Variants in NEO1 observed in about 807,000 individuals in gnomAD.
The protein encoded by NEO1 is neogenin 1.
In NEO1, 63 loss-of-function variants were observed where a neutral mutation model predicts 159.7. The observed-to-expected ratio is 0.39, with a 90% CI of 0.32 to 0.49. NEO1 has a LOEUF of 0.49. Among genes scored for constraint, NEO1 ranks in the 20% least tolerant of loss-of-function variants. The pLI, the probability that NEO1 is intolerant of heterozygous loss-of-function variation, is 0.85. For synonymous variants in NEO1, 633 were observed against 662.0 expected (o/e 0.96, Z 0.67); for missense variants, 1,615 against 1,831.0 (o/e 0.88, Z 2.15).
chr15:73,122,484 A>G, intron 2 of NEO1, 41 bp from the exon 3 acceptor site: 1 of 1,572,650 alleles, frequency 6.4e-7, no homozygotes, highest in Middle Eastern at 1.8e-4. Context: ...TTAAAGTAAT[A>G]TTTAAATAAA....
chr15:73,305,003 G>C lies in NEO1; in HGVS notation c.*2307G>C, dbSNP rs2042735795. ...GTCCTGGTTGAGCTGCCGCTCAGCAGCTTCCTCGGGGGGATTTGGAACACC... is the reference window on the plus strand; with the variant it reads ...GTCCTGGTTGAGCTGCCGCTCAGCACCTTCCTCGGGGGGATTTGGAACACC... On this transcript the variant is annotated 3_prime_UTR_variant, in exon 29 of 29. Coordinates refer to ENST00000261908, the MANE Select transcript of NEO1 (RefSeq NM_002499.4). 6.6e-6 allele frequency: 1 copy of C among 152,280 alleles called. No homozygotes were observed. Among genetic ancestry groups the C allele is most frequent in the East Asian group, 1.9e-4 (1 of 5,178 alleles). The allele number at this position is 152,280 out of a possible 1,614,324, so 9.4% of individuals were successfully genotyped here.
At chr15:73,287,589 GA>G (rs1404896648) in intron 23 of NEO1, among the ~76,000 whole-genome samples, 1 of 152,136 alleles carries the variant, frequency 6.6e-6, no homozygotes, top group African/African-American at 2.4e-5. Flanking sequence ...GGCAGTCTTC[GA>G]AGTTGTTCCG....
chr15:73,134,200 A>G (rs2151735972), intron 4 of NEO1, among the ~76,000 whole-genome samples: 1 of 152,318 alleles, frequency 6.6e-6, no homozygotes, highest in East Asian at 1.9e-4. Flanking sequence ...TATCCCAGTC[A>G]TTCCTGCTCT....
In NEO1 at chr15:73,236,486, C is replaced by T. The variant is rs780331032; in HGVS notation, c.1431C>T (p.Tyr477=). Residue 477 remains tyrosine (Y), a synonymous_variant, in exon 8 of 29, where the codon TAC becomes TAT. Coordinates refer to ENST00000261908, the MANE Select transcript of NEO1 (RefSeq NM_002499.4). ...HGDNLTYSVF[Y]TKEGIARERV... The stretch of plus-strand genomic sequence containing the variant: ...ACAACCTTACCTACTCTGTGTTCTA[C>T]ACCAAGGAAGGGATTGCTAGGTAAG... 3 of 1,614,174 alleles carry T rather than the reference C, an allele frequency of 1.9e-6. No individual in the cohort carries two copies. The highest frequency in any genetic ancestry group is 1.7e-6 in the Non-Finnish European group (2 of 1,180,012).
At chr15:73,065,073 T>G (rs533387592) in intron 1 of NEO1, among the ~76,000 whole-genome samples, 20 of 152,218 alleles carry the variant, frequency 1.3e-4, no homozygotes, top group South Asian at 1.2e-3. Flanking sequence ...AACTTGTTAT[T>G]TGTATGATTT....
rs1478183894 is a variant in NEO1, at chr15:73,153,605, T to C, written c.1015+17578T>C. On this transcript the variant is annotated intron_variant, in intron 5 of 28. Transcript: ENST00000261908. ...AAGTTATATTGGCGAAAGTCGTTAT[T>C]GTCAGCCCCTTATTCTGGGATTGTA... Among the ~76,000 whole-genome samples the C allele has an allele frequency of 3.9e-5, 6 of 152,362 alleles. No individual in the cohort carries two copies. The East Asian group carries it at 5.8e-4, about 15-fold the overall frequency.
At chr15:73,084,365 A>G (rs6495050) in intron 1 of NEO1, among the ~76,000 whole-genome samples, 107,833 of 152,088 alleles carry the variant, frequency 0.71, 39,216 homozygotes, top group African/African-American at 0.88. Flanking sequence ...TGAATTCTAC[A>G]TTTTTAGATT....
At chr15:73,126,692 A>G in intron 4 of NEO1, 122 bp downstream of exon 4, 4 of 799,718 alleles carry the variant, frequency 5.0e-6, no homozygotes, top group Non-Finnish European at 7.5e-6. Flanking sequence ...CATAATGCTC[A>G]TATGTCATCC....
chr15:73,076,796 C>T (rs1370316829), intron 1 of NEO1, among the ~76,000 whole-genome samples: 1 of 152,180 alleles, frequency 6.6e-6, no homozygotes, highest in African/African-American at 2.4e-5. Context: ...CTTTTCTTAT[C>T]TCTACCTTTC....
chr15:73,062,171 C>A (rs2068010902), intron 1 of NEO1, among the ~76,000 whole-genome samples: 1 of 152,072 alleles, frequency 6.6e-6, no homozygotes, highest in South Asian at 2.1e-4. Context: ...TCCTTGCCAA[C>A]ATATTGGTTA....
chr15:73,272,218 A>C (rs2041207162), intron 18 of NEO1, among the ~76,000 whole-genome samples: 2 of 151,990 alleles, frequency 1.3e-5, no homozygotes, highest in Admixed American at 1.3e-4. Context: ...TTTATCCCTG[A>C]CTCCCAGCCA....
intron 5 of NEO1, among the ~76,000 whole-genome samples, chr15:73,163,177 G>A (rs552654705): frequency 2.0e-5 from 3 of 151,218 alleles, no homozygotes; most frequent in Admixed American, 6.6e-5. Flanking sequence ...TTTTTGATAC[G>A]TAAGAATGTG....
At chr15:73,221,035 T>C (rs1380749688) in intron 7 of NEO1, among the ~76,000 whole-genome samples, 2 of 152,118 alleles carry the variant, frequency 1.3e-5, no homozygotes, top group Non-Finnish European at 2.9e-5. Context: ...TTCTGCTCTG[T>C]TTTTTCCCCA....
chr15:73,269,902 T>C, intron 16 of NEO1, 108 bp from the exon 17 acceptor site: 1 of 862,308 alleles, frequency 1.2e-6, no homozygotes, highest in Non-Finnish European at 1.8e-6. Flanking sequence ...TCTTTCTTTT[T>C]CTCCATTTCT....
Position 73,176,427 on chromosome 15 carries a change from C to G in NEO1, c.1040C>G (p.Pro347Arg). The stretch of plus-strand genomic sequence containing the variant: ...GCTCAACCTGAATTCCTGAAGCAGC[C>G]TACTAATATATATGCTCACGAATCT... ...VQAQPEFLKQ[P>R]TNIYAHESMD... Residue 347 changes from proline (P) to arginine (R), a missense_variant, in exon 6 of 29, where the codon CCT becomes CGT. Pro to Arg is a moderately radical substitution (Grantham distance 103). Transcript: ENST00000261908. 1 of 1,577,156 alleles carries G rather than the reference C, an allele frequency of 6.3e-7. No homozygotes were observed. The highest frequency in any genetic ancestry group is 2.3e-5 in the East Asian group (1 of 43,246).
chr15:73,115,480 A>G (rs1379694873), intron 1 of NEO1, among the ~76,000 whole-genome samples: 4 of 152,230 alleles, frequency 2.6e-5, no homozygotes, highest in African/African-American at 9.6e-5. Context: ...AGTGTGTTTT[A>G]TATTTCTTTA....
chr15:73,055,308 C>T (rs887253494), intron 1 of NEO1, among the ~76,000 whole-genome samples: 1 of 152,178 alleles, frequency 6.6e-6, no homozygotes, highest in Non-Finnish European at 1.5e-5. Flanking sequence ...TGATGTGATT[C>T]ATTGCCTTAC....
intron 4 of NEO1, among the ~76,000 whole-genome samples, chr15:73,133,932 A>G (rs1005154824): frequency 1.3e-5 from 2 of 152,194 alleles, no homozygotes; most frequent in Non-Finnish European, 2.9e-5. Context: ...AGTATCAACA[A>G]TATTTTTTAG....
chr15:73,052,409 A>ACC (rs1567080765), upstream of NEO1: 1 of 8,684 alleles, frequency 1.2e-4, no homozygotes, highest in Non-Finnish European at 2.3e-4. Context: ...AGACCGACCC[A>ACC]CCGCCCCCCC....
Sources: allele counts gnomAD v4.1 joint callset (sites outside exome capture counted in the v4.1 genomes callset), GRCh38; gene constraint gnomAD v4.1.1; transcripts MANE v1.5; gene names NCBI Gene and HGNC (gene_info 2026-07-23, HGNC 2026-07-21).